Variants in SATL1 observed in about 807,000 individuals in gnomAD.
SATL1 encodes the protein spermidine/spermine N1-acetyl transferase like 1, also known as spermidine/spermine N(1)-acetyltransferase-like protein 1.
In SATL1, 47 loss-of-function variants were observed where a neutral mutation model predicts 51.8. That is an observed-to-expected ratio of 0.91 (90% CI 0.72 to 1.16). The LOEUF (loss-of-function observed/expected upper bound fraction) is 1.16, where lower values mean the gene tolerates loss of function less well. Ranked by LOEUF, SATL1 falls within the 50% of genes most tolerant of loss-of-function variation. SATL1 has a pLI of 0.00. For synonymous variants in SATL1, 176 were observed against 182.4 expected (o/e 0.97, Z 0.28); for missense variants, 520 against 526.4 (o/e 0.99, Z 0.12).
At position 85,107,515 on chromosome X, in the gene SATL1, C is replaced by T. The variant is rs1925083702; in HGVS notation, c.1454G>A (p.Gly485Glu). ...GRGQPGIWEPGPSQPGLSQQD... is the reference protein window; with the variant it reads ...GRGQPGIWEPEPSQPGLSQQD... Reference sequence around the variant, plus strand: ...TTGGCTCAGGCCTGGCTGACTCGGCCCCGGTTCCCATATGCCTGGTTGGCC... The same window carrying T: ...TTGGCTCAGGCCTGGCTGACTCGGCTCCGGTTCCCATATGCCTGGTTGGCC... Residue 485 changes from glycine (G) to glutamate (E), a missense_variant, in exon 3 of 8, where the codon GGG becomes GAG. Physicochemically the swap from Gly to Glu is moderately conservative, Grantham distance 98 (BLOSUM62 -2). Transcript: ENST00000644105. 3.3e-6 allele frequency: 4 copies of T among 1,211,013 alleles called. No homozygotes were observed. The highest frequency in any genetic ancestry group is 2.3e-4 in the Middle Eastern group (1 of 4,375).
intron 2 of SATL1, among the ~76,000 whole-genome samples, chrX:85,145,432 G>C (rs1458701652): frequency 8.9e-6 from 1 of 112,062 alleles, no homozygotes; most frequent in Non-Finnish European, 1.9e-5. Context: ...TGTTGAATGA[G>C]TGAAATATTA....
intron 2 of SATL1, among the ~76,000 whole-genome samples, chrX:85,197,914 C>G (rs760096958): frequency 1.9e-4 from 21 of 110,317 alleles, no homozygotes; most frequent in African/African-American, 6.6e-4. Context: ...ACACCAAATA[C>G]TAGATCTTAT....
rs920849654 is a variant in SATL1 at position 85,241,373 on chromosome X, G to A, written c.-435+2215C>T. Among the ~76,000 whole-genome samples, 15 of 110,883 alleles carry A rather than the reference G, an allele frequency of 1.4e-4. No homozygotes were observed. The Admixed American group carries it at 1.4e-3, about 11-fold the overall frequency. ...GGGATCATTCATACACCAAACTTCA[G>A]CATCACTCAATATACCCAGTTAACA... On this transcript the variant is annotated intron_variant, in intron 1 of 7. Coordinates refer to ENST00000644105, the MANE Select transcript of SATL1 (RefSeq NM_001367857.2).
At chrX:85,218,049 G>T (rs1027210652) in intron 2 of SATL1, among the ~76,000 whole-genome samples, 3 of 110,899 alleles carry the variant, frequency 2.7e-5, no homozygotes, top group African/African-American at 9.8e-5. Flanking sequence ...TCACTTATAA[G>T]TGGGAAGTAA....
chrX:85,161,055 G>T (rs1463944800), intron 2 of SATL1, among the ~76,000 whole-genome samples: 1 of 111,440 alleles, frequency 9.0e-6, no homozygotes, highest in Non-Finnish European at 1.9e-5. Context: ...TCTCATATAC[G>T]GCCAAACTAA....
At chrX:85,236,222 C>T (rs1271108217) in intron 1 of SATL1, among the ~76,000 whole-genome samples, 4 of 110,793 alleles carry the variant, frequency 3.6e-5, no homozygotes, top group Non-Finnish European at 7.6e-5. Flanking sequence ...ATCCTGGGAC[C>T]CTATGGCTTC....
chrX:85,151,455 C>CA lies in SATL1; in HGVS notation c.-312-42176dup, dbSNP rs1025809368. Reference sequence around the variant, plus strand: ...TACCAATGACTTTCTTCACCGAATTCAAAAAAACTACTTTAAAGTTCATAT... The same window carrying CA: ...TACCAATGACTTTCTTCACCGAATTCAAAAAAAACTACTTTAAAGTTCATAT... On this transcript the variant is annotated intron_variant, in intron 2 of 7. Coordinates refer to ENST00000644105, the MANE Select transcript of SATL1 (RefSeq NM_001367857.2). 4.5e-5 allele frequency among the ~76,000 whole-genome samples: 5 copies of CA among 111,008 alleles called. No individual in the cohort carries two copies. In the East Asian group the frequency reaches 1.1e-3, roughly 25 times the overall value.
chrX:85,213,946 T>C (rs1423212597), intron 2 of SATL1, among the ~76,000 whole-genome samples: 2 of 111,019 alleles, frequency 1.8e-5, no homozygotes, highest in Non-Finnish European at 3.8e-5. Flanking sequence ...AAGGGTAATA[T>C]TGAGAATATA....
Position 85,111,958 on chromosome X carries a change from C to T in SATL1, c.-312-2678G>A, listed in dbSNP as rs996343859. Among the ~76,000 whole-genome samples the T allele has an allele frequency of 5.4e-5, 6 of 111,708 alleles. No homozygotes were observed. In the Admixed American group the frequency reaches 5.7e-4, roughly 11 times the overall value. On this transcript the variant is annotated intron_variant, in intron 2 of 7. Transcript: ENST00000644105. Reference sequence around the variant, plus strand: ...GCAAATTTGTAAGGGTCTGTAGCAACCTCAATTCTGGCTTCCCCAGAAGAA... The same window carrying T: ...GCAAATTTGTAAGGGTCTGTAGCAATCTCAATTCTGGCTTCCCCAGAAGAA...
At chrX:85,101,017 AC>A (rs1478608167) in intron 4 of SATL1, among the ~76,000 whole-genome samples, 1 of 111,970 alleles carries the variant, frequency 8.9e-6, no homozygotes, top group East Asian at 2.8e-4. Flanking sequence ...ATGAAGTTGG[AC>A]CCTTAACTTC....
chrX:85,157,386 C>G (rs183781779), intron 2 of SATL1, among the ~76,000 whole-genome samples: 3 of 111,154 alleles, frequency 2.7e-5, no homozygotes, highest in Non-Finnish European at 5.7e-5. Flanking sequence ...AGGTGAATAT[C>G]CTACTATGAA....
intron 2 of SATL1, among the ~76,000 whole-genome samples, chrX:85,154,265 G>A (rs888856606): frequency 9.0e-5 from 10 of 110,766 alleles, no homozygotes; most frequent in African/African-American, 2.6e-4. Context: ...TTGGTTGGGG[G>A]TGGGAGACGG....
chrX:85,149,313 A>T (rs897140702), intron 2 of SATL1, among the ~76,000 whole-genome samples: 8 of 111,596 alleles, frequency 7.2e-5, no homozygotes, highest in African/African-American at 2.3e-4. Flanking sequence ...AGATTCATAA[A>T]GCAAGTCCTG....
chrX:85,198,821 C>A (rs1270679997), intron 2 of SATL1, among the ~76,000 whole-genome samples: 1 of 109,837 alleles, frequency 9.1e-6, no homozygotes, highest in Admixed American at 9.8e-5. Flanking sequence ...CCCTGTTGTC[C>A]TATCAAATAC....
intron 1 of SATL1, among the ~76,000 whole-genome samples, chrX:85,231,592 G>A (rs1384170205): frequency 1.8e-5 from 2 of 112,571 alleles, no homozygotes; most frequent in African/African-American, 6.5e-5. Context: ...TGCCAGGGCA[G>A]TGGCAGAGTG....
At position 85,092,370 on chromosome X, in the gene SATL1, T is replaced by A. The variant is rs1202554363; in HGVS notation, c.*21A>T. ...TCAAATGTTGGAGGCTGTGTTGGGATGAGTTGTTACAAAGCCTCTTTCATT... is the reference window on the plus strand; with the variant it reads ...TCAAATGTTGGAGGCTGTGTTGGGAAGAGTTGTTACAAAGCCTCTTTCATT... On this transcript the variant is annotated 3_prime_UTR_variant, in exon 8 of 8. Transcript: ENST00000644105. 8.7e-7 allele frequency: 1 copy of A among 1,155,865 alleles called. No individual in the cohort carries two copies.
At position 85,240,362 on chromosome X, in the gene SATL1, T is replaced by C. The variant is rs921709574; in HGVS notation, c.-435+3226A>G. ...GGGTTCAGGTGACGACGGCCTGAACTCCTTAATAAACTTTTTCATCTCATA... is the reference window on the plus strand; with the variant it reads ...GGGTTCAGGTGACGACGGCCTGAACCCCTTAATAAACTTTTTCATCTCATA... On this transcript the variant is annotated intron_variant, in intron 1 of 7. Transcript: ENST00000644105. Among the ~76,000 whole-genome samples, 3 of 111,897 alleles carry C rather than the reference T, an allele frequency of 2.7e-5. No homozygotes were observed. In the Admixed American group the frequency reaches 2.8e-4, roughly 11 times the overall value.
In SATL1 at chrX:85,100,197, A is replaced by T. The variant is rs952105886; in HGVS notation, c.1693+3667T>A. Among the ~76,000 whole-genome samples the T allele has an allele frequency of 1.4e-4, 13 of 90,372 alleles. No homozygotes were observed. In the Admixed American group the frequency reaches 1.7e-3, roughly 12 times the overall value. 78.5% of individuals were successfully genotyped at this position (90,372 alleles called of 115,157 possible). On this transcript the variant is annotated intron_variant, in intron 4 of 7. Transcript: ENST00000644105. ...CAACAGAGCAAGACTCTGTCTCAAAACAAAACAAAACGAAACAAAAAAACA... is the reference window on the plus strand; with the variant it reads ...CAACAGAGCAAGACTCTGTCTCAAATCAAAACAAAACGAAACAAAAAAACA...
At chrX:85,144,044 A>G (rs1248093927) in intron 2 of SATL1, among the ~76,000 whole-genome samples, 1 of 111,709 alleles carries the variant, frequency 9.0e-6, no homozygotes, top group African/African-American at 3.3e-5. Flanking sequence ...AAGAAGTACA[A>G]CTTTTTTTTT....
Sources: gnomAD v4.1 joint callset for allele counts (sites outside exome capture counted in the v4.1 genomes callset) on GRCh38, gnomAD v4.1.1 for gene constraint, MANE v1.5 for transcripts, NCBI Gene and HGNC (gene_info 2026-07-23, HGNC 2026-07-21) for gene names.